PRKAR1A: variants seen among roughly 807,000 people sequenced by gnomAD.
PRKAR1A encodes the protein cAMP-dependent protein kinase type I-alpha regulatory subunit.
In PRKAR1A, 3 loss-of-function variants were observed where a neutral mutation model predicts 52.0. The observed-to-expected ratio is 0.06, with a 90% CI of 0.03 to 0.15. The LOEUF is 0.15. PRKAR1A is among the 10% of genes least tolerant of loss of function. The pLI, the probability that PRKAR1A is intolerant of heterozygous loss-of-function variation, is 1.00. For synonymous variants in PRKAR1A, 188 were observed against 168.4 expected (o/e 1.12, Z -0.90); for missense variants, 240 against 477.4 (o/e 0.50, Z 4.63).
At position 68,533,374 on chromosome 17, in the gene PRKAR1A, C is replaced by T; in HGVS notation, c.*2925C>T. The T allele has an allele frequency of 1.9e-6, 2 of 1,062,114 alleles. No individual in the cohort carries two copies. The highest frequency in any genetic ancestry group is 2.3e-6 in the Non-Finnish European group (2 of 877,236). 65.8% of individuals were successfully genotyped at this position (1,062,114 alleles called of 1,614,324 possible). On this transcript the variant is annotated 3_prime_UTR_variant, in exon 11 of 11. Transcript: ENST00000589228. ...CTTTTCTAGATTCAGTAATCCCTTC[C>T]CCCCGTCCTCTGGAGTATGAAACCT...
At chr17:68,535,519 T>A (rs768183149), downstream of PRKAR1A, 12 of 454,058 alleles carry the variant, frequency 2.6e-5, no homozygotes, top group South Asian at 1.9e-4. Flanking sequence ...CTGTGTGTGA[T>A]CTCCTGGTTC....
the PRKAR1A span, among the ~76,000 whole-genome samples, chr17:68,441,527 C>T: frequency 1.3e-5 from 2 of 152,196 alleles, no homozygotes; most frequent in Non-Finnish European, 2.9e-5. Flanking sequence ...ACAGATAAGG[C>T]GACTCCTGGC....
chr17:68,470,195 G>A, the PRKAR1A span, among the ~76,000 whole-genome samples: 1 of 151,458 alleles, frequency 6.6e-6, no homozygotes, highest in Non-Finnish European at 1.5e-5. Context: ...TGATTCTCCT[G>A]CTTCAGCCTC....
the PRKAR1A span, among the ~76,000 whole-genome samples, chr17:68,491,831 G>A: frequency 6.6e-6 from 1 of 152,060 alleles, no homozygotes; most frequent in Non-Finnish European, 1.5e-5. Context: ...TAAAGGGCCA[G>A]AAGAAGGCCC....
chr17:68,515,176 A>G (rs957165835), intron 1 of PRKAR1A: 6 of 566,994 alleles, frequency 1.1e-5, no homozygotes, highest in African/African-American at 1.9e-5. Context: ...ACTGTTGCCT[A>G]CAGAGCACAG....
intron 3 of PRKAR1A, 98 bp downstream of exon 3, chr17:68,523,024 G>A: frequency 7.0e-7 from 1 of 1,436,954 alleles, no homozygotes. Context: ...ACAAAACAGG[G>A]TGGAACTTCA....
chr17:68,528,814 A>G (rs2085873106), intron 8 of PRKAR1A, 56 bp from the exon 9 acceptor site: 2 of 1,601,708 alleles, frequency 1.2e-6, no homozygotes, highest in African/African-American at 1.3e-5. Flanking sequence ...CTTTCTTTTT[A>G]CCTTTATAAC....
chr17:68,540,603 AGGCCCGT>A (rs1035328062), intron 11 of PRKAR1A: 1 of 598,988 alleles, frequency 1.7e-6, no homozygotes, highest in Non-Finnish European at 3.1e-6. Context: ...ACGCCCACTC[AGGCCCGT>A]GGCAGGGTGA....
At chr17:68,456,220 T>A in the PRKAR1A span, among the ~76,000 whole-genome samples, 1 of 152,212 alleles carries the variant, frequency 6.6e-6, no homozygotes, top group Non-Finnish European at 1.5e-5. Context: ...TGATTACACA[T>A]ATGGGTTTTT....
At chr17:68,487,655 G>T in the PRKAR1A span, among the ~76,000 whole-genome samples, 1 of 152,002 alleles carries the variant, frequency 6.6e-6, no homozygotes, top group African/African-American at 2.4e-5. Context: ...ACAAAAATTA[G>T]CCGGGACTGG....
the PRKAR1A span, among the ~76,000 whole-genome samples, chr17:68,491,094 C>CTTTCTTTT: frequency 6.9e-6 from 1 of 145,176 alleles, no homozygotes; most frequent in Admixed American, 6.9e-5. Context: ...TTCTTTCTTT[C>CTTTCTTTT]TTTTTTTTTT....
At chr17:68,539,231 AC>A (rs1403044761) in intron 11 of PRKAR1A, 3 of 1,043,000 alleles carry the variant, frequency 2.9e-6, no homozygotes, top group Non-Finnish European at 4.5e-6. Flanking sequence ...CTACCCACTT[AC>A]GTCCTGGACC....
chr17:68,519,456 C>G (rs1048120667), intron 2 of PRKAR1A, among the ~76,000 whole-genome samples: 1 of 152,198 alleles, frequency 6.6e-6, no homozygotes, highest in African/African-American at 2.4e-5. Context: ...CTCACTATCA[C>G]CAGAACAGCA....
chr17:68,451,302 T>C, the PRKAR1A span, among the ~76,000 whole-genome samples: 14 of 152,262 alleles, frequency 9.2e-5, no homozygotes, highest in African/African-American at 2.9e-4. Flanking sequence ...GGTATGGTGG[T>C]GCACACCTGT....
chr17:68,540,599 A>T lies in PRKAR1A; in HGVS notation c.974-10485A>T, dbSNP rs538128873. 4.0e-5 allele frequency: 24 copies of T among 592,742 alleles called. No homozygotes were observed. In the East Asian group the frequency reaches 8.4e-4, roughly 21 times the overall value. The allele number at this position is 592,742 out of a possible 1,614,324, so 36.7% of individuals were successfully genotyped here. A position where few individuals can be genotyped will look rare whatever the true frequency, so the allele number is the denominator to read the frequency against. On this transcript the variant is annotated intron_variant, in intron 11 of 11. Coordinates refer to the PRKAR1A transcript ENST00000585981. ...ACATACAGCTTCCAATCTGACGCCC[A>T]CTCAGGCCCGTGGCAGGGTGAGATG...
chr17:68,537,836 C>T (rs981770103), downstream of PRKAR1A: 3 of 1,353,300 alleles, frequency 2.2e-6, no homozygotes, highest in East Asian at 5.0e-5. The surrounding 1 kb of genome is among the most constrained non-coding windows in gnomAD (Gnocchi z 4.2). Context: ...GTAGCTGATA[C>T]TCTTGGCGCC....
chr17:68,457,393 G>A, the PRKAR1A span: 10 of 1,534,098 alleles, frequency 6.5e-6, no homozygotes, highest in African/African-American at 4.3e-5. Flanking sequence ...AACCCCGCCC[G>A]GGGGAGCGTC....
the PRKAR1A span, among the ~76,000 whole-genome samples, chr17:68,472,807 G>T: frequency 6.6e-6 from 1 of 151,896 alleles, no homozygotes; most frequent in East Asian, 1.9e-4. Context: ...TTAGCTGGGC[G>T]TGGTGGCATG....
chr17:68,496,025 T>TCCCC, the PRKAR1A span, among the ~76,000 whole-genome samples: 1 of 1,628 alleles, frequency 6.1e-4, no homozygotes. Flanking sequence ...TGCGCTCCCC[T>TCCCC]CCTCTCCCCT....
Sources: gnomAD v4.1 joint callset for allele counts (sites outside exome capture counted in the v4.1 genomes callset) on GRCh38, gnomAD v4.1.1 for gene constraint, Gnocchi (gnomAD v3.1) non-coding constraint, MANE v1.5 for transcripts, NCBI Gene and HGNC (gene_info 2026-07-23, HGNC 2026-07-21) for gene names.